The following NT5C1B variants were observed in gnomAD, a reference collection of about 807,000 sequenced individuals.
The protein encoded by NT5C1B is cytosolic 5'-nucleotidase 1B.
Under a neutral mutation model 57.8 loss-of-function variants are expected in NT5C1B, and 44 were observed. That is an observed-to-expected ratio of 0.76 (90% confidence interval 0.60 to 0.98). The LOEUF (loss-of-function observed/expected upper bound fraction) is 0.98. Among genes scored for constraint, NT5C1B ranks in the 50% least tolerant of loss-of-function variants. The pLI is 0.00. For synonymous variants in NT5C1B, 284 were observed against 282.6 expected (o/e 1.00, Z -0.05); for missense variants, 742 against 719.5 (o/e 1.03, Z -0.36).
At chr2:18,586,995 C>G in intron 2 of NT5C1B, 1 of 1,614,190 alleles carries the variant, frequency 6.2e-7, no homozygotes, top group Non-Finnish European at 8.5e-7. Context: ...TCTGCTCACC[C>G]TCATCATGGT....
At chr2:18,581,697 C>T (rs1298324221) in intron 6 of NT5C1B, among the ~76,000 whole-genome samples, 1 of 152,122 alleles carries the variant, frequency 6.6e-6, no homozygotes, top group African/African-American at 2.4e-5. Flanking sequence ...TATTTGGTGA[C>T]ACTGAGACTC....
At chr2:18,568,207 A>G (rs1664828529) in intron 8 of NT5C1B, among the ~76,000 whole-genome samples, 1 of 152,174 alleles carries the variant, frequency 6.6e-6, no homozygotes, top group South Asian at 2.1e-4. Flanking sequence ...CATACTAAGG[A>G]CCAAAGATAC....
At chr2:18,588,726 A>G (rs113241200) in intron 1 of NT5C1B, among the ~76,000 whole-genome samples, 6 of 152,056 alleles carry the variant, frequency 3.9e-5, no homozygotes, top group African/African-American at 1.2e-4. Context: ...AATCCTCTCC[A>G]CTTCTAGATC....
chr2:18,585,777 C>T (rs1216036890), intron 3 of NT5C1B, among the ~76,000 whole-genome samples: 1 of 152,174 alleles, frequency 6.6e-6, no homozygotes, highest in African/African-American at 2.4e-5. Flanking sequence ...TGCATGCTTT[C>T]CCAGTGGCTG....
intron 5 of NT5C1B, chr2:18,583,723 G>T: frequency 2.4e-6 from 1 of 414,870 alleles, no homozygotes; most frequent in Non-Finnish European, 4.8e-6. Context: ...GGGGCCAGAA[G>T]AGCTAACGTG....
chr2:18,576,548 A>G (rs1665694089), intron 7 of NT5C1B, among the ~76,000 whole-genome samples, 180 bp from the exon 8 acceptor site: 1 of 152,180 alleles, frequency 6.6e-6, no homozygotes, highest in South Asian at 2.1e-4. Flanking sequence ...CTCTGTTTCT[A>G]TAGGGATGGA....
chr2:18,570,455 CTA>C (rs1414230365), intron 8 of NT5C1B, among the ~76,000 whole-genome samples: 2 of 151,924 alleles, frequency 1.3e-5, no homozygotes, highest in African/African-American at 4.8e-5. Flanking sequence ...ATAAAACACT[CTA>C]AGAGTTTATG....
rs371226394 is a variant in NT5C1B, at chr2:18,577,422, C to CAAAAAAAA, written c.1022-535_1022-528dup. Among the ~76,000 whole-genome samples the CAAAAAAAA allele has an allele frequency of 9.3e-4, 37 of 39,822 alleles. 3 individuals are homozygous for CAAAAAAAA. Among genetic ancestry groups the CAAAAAAAA allele is most frequent in the East Asian group, 1.7e-3 (2 of 1,190 alleles). 26.1% of individuals were successfully genotyped at this position (39,822 alleles called of 152,430 possible). On this transcript the variant is annotated intron_variant, in intron 6 of 8. Coordinates refer to ENST00000304081, the Ensembl canonical transcript of NT5C1B. The stretch of plus-strand genomic sequence containing the variant: ...CTGGTGAAAGAGCAAGACTCTGTCT[C>CAAAAAAAA]AAAAAAAAAAAAAAAAAAAAAAAGG...
chr2:18,586,959 T>TCC (rs1219209844), intron 2 of NT5C1B: 28 of 1,613,852 alleles, frequency 1.7e-5, no homozygotes, highest in Non-Finnish European at 2.4e-5. Context: ...TGTCTGTGGT[T>TCC]CCCCTCCAGA....
chr2:18,564,542 A>C (rs961577790), intron 8 of NT5C1B, among the ~76,000 whole-genome samples: 4 of 152,192 alleles, frequency 2.6e-5, no homozygotes, highest in African/African-American at 9.6e-5. Flanking sequence ...TATGAAGTAT[A>C]TGCTTTTGTC....
At chr2:18,570,995 A>C (rs370303247) in intron 8 of NT5C1B, among the ~76,000 whole-genome samples, 1 of 152,284 alleles carries the variant, frequency 6.6e-6, no homozygotes, top group East Asian at 1.9e-4. Context: ...ACCTTCATTT[A>C]TTATAAAAAC....
At chr2:18,576,074 G>A in intron 8 of NT5C1B, 110 bp downstream of exon 8, 1 of 1,176,542 alleles carries the variant, frequency 8.5e-7, no homozygotes, top group Non-Finnish European at 1.1e-6. Flanking sequence ...GTAAGAAGGA[G>A]TGCCCTGCCT....
chr2:18,566,567 C>A (rs1011234479), intron 8 of NT5C1B, among the ~76,000 whole-genome samples: 2 of 152,170 alleles, frequency 1.3e-5, no homozygotes, highest in Non-Finnish European at 2.9e-5. Context: ...CAGAGGGGCA[C>A]AGTTTCCCTT....
intron 8 of NT5C1B, among the ~76,000 whole-genome samples, chr2:18,571,510 A>G (rs1665148322): frequency 6.6e-6 from 1 of 151,714 alleles, no homozygotes; most frequent in African/African-American, 2.4e-5. Context: ...TAAATGATCT[A>G]AATAAATGAG....
At position 18,580,321 on chromosome 2, in the gene NT5C1B, A is replaced by T. The variant is rs568329003; in HGVS notation, c.1021+2547T>A. On this transcript the variant is annotated intron_variant, in intron 6 of 8. Coordinates refer to ENST00000304081, the Ensembl canonical transcript of NT5C1B. ...GGAATATAAATTGTTCTACCATAAG[A>T]ATATATGCATGGCAGGGCATGGTGG... 1.0e-3 allele frequency among the ~76,000 whole-genome samples: 156 copies of T among 152,162 alleles called. 1 individual carries two copies. Among genetic ancestry groups the T allele is most frequent in the Non-Finnish European group, 1.9e-3 (129 of 68,018 alleles).
intron 8 of NT5C1B, among the ~76,000 whole-genome samples, chr2:18,575,146 AT>A (rs1461141410): frequency 3.9e-5 from 6 of 151,992 alleles, no homozygotes; most frequent in African/African-American, 1.4e-4. Context: ...TTTATGGAGG[AT>A]TTCCACATTT....
At chr2:18,568,308 C>CATTATTTTTA (rs1664840401) in intron 8 of NT5C1B, among the ~76,000 whole-genome samples, 1 of 151,740 alleles carries the variant, frequency 6.6e-6, no homozygotes, top group Admixed American at 6.6e-5. Context: ...CACAGTAAAC[C>CATTATTTTTA]CAGAATACTA....
rs376326986 is a variant in NT5C1B at position 18,584,178 on chromosome 2, G to A, written c.801C>T (p.Tyr267=). ...TGTACTTTTCCAGACCCTCTTGCTC[G>A]TAGATTTTCCTGCCGTCCACCATGT... is the stretch of plus-strand genomic sequence containing the variant. Residue 267 remains tyrosine, a synonymous_variant, in exon 5 of 9, where the codon TAC becomes TAT. Coordinates refer to ENST00000304081, the Ensembl canonical transcript of NT5C1B. The surrounding 1 kb of genome is among the most constrained non-coding windows in gnomAD (Gnocchi z 5.8). 18 of 1,614,038 alleles carry A rather than the reference G, an allele frequency of 1.1e-5. No homozygotes were observed. The African/African-American group carries it at 1.5e-4, about 13-fold the overall frequency.
intron 8 of NT5C1B, among the ~76,000 whole-genome samples, chr2:18,566,372 T>G (rs1664643407): frequency 2.0e-5 from 3 of 152,200 alleles, no homozygotes. Context: ...TGACTTATTG[T>G]GTAACCATTT....
Sources: allele counts gnomAD v4.1 joint callset (sites outside exome capture counted in the v4.1 genomes callset), GRCh38; gene constraint gnomAD v4.1.1; non-coding constraint Gnocchi (gnomAD v3.1); transcripts MANE v1.5; gene names NCBI Gene and HGNC (gene_info 2026-07-23, HGNC 2026-07-21).